AGBL4: variants seen among roughly 807,000 people sequenced by gnomAD.
AGBL4 encodes AGBL carboxypeptidase 4.
In AGBL4, 58 loss-of-function variants were observed where a neutral mutation model predicts 66.4. That is an observed-to-expected ratio of 0.87 (90% CI 0.71 to 1.09). The LOEUF is 1.09. AGBL4 is among the 50% of genes least tolerant of loss of function. The pLI is 0.00. For synonymous variants in AGBL4, 234 were observed against 222.9 expected, an observed-to-expected ratio of 1.05 and a Z score of -0.44; for missense variants, 579 against 631.0, an observed-to-expected ratio of 0.92 and a Z score of 0.88.
At chr1:49,084,112 AG>A (rs1431890012) in intron 4 of AGBL4, among the ~76,000 whole-genome samples, 2 of 26,286 alleles carry the variant, frequency 7.6e-5, no homozygotes, top group Non-Finnish European at 8.8e-5. Flanking sequence ...CAGAGTCTCT[AG>A]GAAGTTCCAA....
intron 3 of AGBL4, among the ~76,000 whole-genome samples, chr1:49,348,776 T>C (rs1645691545): frequency 6.6e-6 from 1 of 152,244 alleles, no homozygotes; most frequent in African/African-American, 2.4e-5. Context: ...TCATTTTCCA[T>C]GCTAACTCTG....
At chr1:49,998,811 A>G (rs1660543447) in intron 1 of AGBL4, among the ~76,000 whole-genome samples, 1 of 152,230 alleles carries the variant, frequency 6.6e-6, no homozygotes, top group Non-Finnish European at 1.5e-5. Flanking sequence ...AACACTGCAT[A>G]AACAGAATTA....
At chr1:49,240,872 C>T (rs758561381) in intron 4 of AGBL4, among the ~76,000 whole-genome samples, 3 of 151,874 alleles carry the variant, frequency 2.0e-5, no homozygotes, top group Non-Finnish European at 4.4e-5. Flanking sequence ...TCATCATCTC[C>T]CTTATCCAGC....
At chr1:49,911,890 G>A (rs1650871490) in intron 1 of AGBL4, among the ~76,000 whole-genome samples, 1 of 152,170 alleles carries the variant, frequency 6.6e-6, no homozygotes, top group South Asian at 2.1e-4. Flanking sequence ...CCTGTGCTTT[G>A]GCTCCAGCCT....
chr1:48,866,968 C>T (rs1648156345), intron 6 of AGBL4, among the ~76,000 whole-genome samples: 1 of 152,164 alleles, frequency 6.6e-6, no homozygotes, highest in South Asian at 2.1e-4. Context: ...AGTATCAGCC[C>T]TGCCACCCAT....
intron 3 of AGBL4, among the ~76,000 whole-genome samples, chr1:49,526,856 G>A (rs960260038): frequency 4.6e-5 from 7 of 152,100 alleles, no homozygotes; most frequent in Non-Finnish European, 7.4e-5. Context: ...AGCATTTTCT[G>A]TGTAATTCTG....
intron 4 of AGBL4, among the ~76,000 whole-genome samples, chr1:49,060,406 A>G (rs1644381942): frequency 1.3e-5 from 2 of 152,098 alleles, no homozygotes. Context: ...TTTATAAACT[A>G]CCCAATATGG....
At chr1:49,463,474 C>A (rs1646559733) in intron 3 of AGBL4, among the ~76,000 whole-genome samples, 1 of 151,732 alleles carries the variant, frequency 6.6e-6, no homozygotes, top group East Asian at 1.9e-4. Flanking sequence ...AGGGACCCAG[C>A]AGCTTACTGC....
intron 3 of AGBL4, among the ~76,000 whole-genome samples, chr1:49,355,012 T>G (rs1329610993): frequency 6.6e-6 from 1 of 152,002 alleles, no homozygotes; most frequent in Non-Finnish European, 1.5e-5. Flanking sequence ...ACATGACAAT[T>G]AACCTTATGT....
chr1:48,792,335 T>A (rs1390443133), intron 6 of AGBL4, among the ~76,000 whole-genome samples: 1 of 152,226 alleles, frequency 6.6e-6, no homozygotes, highest in South Asian at 2.1e-4. Flanking sequence ...GATTTTGGAC[T>A]TGTATCAACA....
chr1:49,760,609 G>A (rs1652233573), intron 2 of AGBL4, among the ~76,000 whole-genome samples: 1 of 152,150 alleles, frequency 6.6e-6, no homozygotes, highest in Non-Finnish European at 1.5e-5. Flanking sequence ...GGAAGACAGT[G>A]TGGCAATTCC....
chr1:48,612,178 T>C (rs1645249078), intron 9 of AGBL4, among the ~76,000 whole-genome samples: 1 of 152,268 alleles, frequency 6.6e-6, no homozygotes, highest in South Asian at 2.1e-4. Context: ...TATAACCACA[T>C]TTATTAATTC....
chr1:49,120,731 C>G (rs1017503226), intron 4 of AGBL4, among the ~76,000 whole-genome samples: 2 of 152,086 alleles, frequency 1.3e-5, no homozygotes, highest in Non-Finnish European at 2.9e-5. Context: ...CTCTATATTT[C>G]CTGAATTTTA....
Position 49,908,567 on chromosome 1 carries a change from T to C in AGBL4, c.35-57049A>G, listed in dbSNP as rs142723354. Among the ~76,000 whole-genome samples, 226 of 152,294 alleles carry C rather than the reference T, an allele frequency of 1.5e-3. 4 individuals carry two copies. Among genetic ancestry groups the C allele is most frequent in the African/African-American group, 5.3e-3 (219 of 41,554 alleles). Reference sequence around the variant, plus strand: ...ACTTCCTGTACTGTCTGCAGAACCGTGAGCCAATTAAACCTTTTTTCTTTA... The same window carrying C: ...ACTTCCTGTACTGTCTGCAGAACCGCGAGCCAATTAAACCTTTTTTCTTTA... On this transcript the variant is annotated intron_variant, in intron 1 of 13. Transcript: ENST00000371839.
intron 3 of AGBL4, among the ~76,000 whole-genome samples, chr1:49,593,280 G>A (rs1373748805): frequency 1.3e-5 from 2 of 152,108 alleles, no homozygotes; most frequent in African/African-American, 4.8e-5. Context: ...GGTGGCAGGC[G>A]CCTGTAGTCT....
intron 2 of AGBL4, among the ~76,000 whole-genome samples, chr1:49,829,708 G>A (rs1391126088): frequency 2.6e-5 from 4 of 152,022 alleles, no homozygotes; most frequent in Non-Finnish European, 5.9e-5. Context: ...ACGGTGGTTT[G>A]ATGTACCCAT....
At chr1:49,475,304 A>G (rs1394986989) in intron 3 of AGBL4, among the ~76,000 whole-genome samples, 3 of 151,992 alleles carry the variant, frequency 2.0e-5, no homozygotes, top group Non-Finnish European at 4.4e-5. Flanking sequence ...ATCAGGGTGA[A>G]TAAGTTTTTG....
intron 3 of AGBL4, among the ~76,000 whole-genome samples, chr1:49,554,485 TCA>T (rs1246118527): frequency 6.6e-6 from 1 of 152,242 alleles, no homozygotes; most frequent in Non-Finnish European, 1.5e-5. Flanking sequence ...AAACAAATTT[TCA>T]CTTTCCATTT....
intron 2 of AGBL4, among the ~76,000 whole-genome samples, chr1:49,806,957 T>C (rs1367153627): frequency 6.6e-6 from 1 of 152,112 alleles, no homozygotes; most frequent in Non-Finnish European, 1.5e-5. Context: ...CTTGCCAATA[T>C]CTGTGTGGTG....
Sources: allele counts gnomAD v4.1 joint callset (sites outside exome capture counted in the v4.1 genomes callset), GRCh38; gene constraint gnomAD v4.1.1; transcripts MANE v1.5; gene names NCBI Gene and HGNC (gene_info 2026-07-23, HGNC 2026-07-21).